The following ANO5 variants were observed in gnomAD, a reference collection of about 807,000 sequenced individuals.
The protein encoded by ANO5 is anoctamin-5.
ANO5 carries 109 observed loss-of-function variants against 121.0 expected under a neutral mutation model. The observed-to-expected ratio is 0.90, with a 90% CI of 0.77 to 1.06. The LOEUF is 1.06. Among genes scored for constraint, ANO5 ranks in the 50% least tolerant of loss-of-function variants. The pLI, the probability that ANO5 is intolerant of heterozygous loss-of-function variation, is 0.00. For missense variants in ANO5, 1,064 were observed against 1,078.5 expected, an observed-to-expected ratio of 0.99 and a Z score of 0.19; for synonymous variants, 406 against 359.9, an observed-to-expected ratio of 1.13 and a Z score of -1.45.
chr11:22,273,936 ATTTT>A (rs147703962), intron 19 of ANO5, among the ~76,000 whole-genome samples: 2 of 151,930 alleles, frequency 1.3e-5, no homozygotes, highest in African/African-American at 4.8e-5. Context: ...GTTACATTAG[ATTTT>A]TTTTAAAGCG....
At chr11:22,192,914 G>C, upstream of ANO5, 1 of 930,294 alleles carries the variant, frequency 1.1e-6, no homozygotes, top group Non-Finnish European at 1.3e-6. Flanking sequence ...ACCTGGGGAC[G>C]GCTTGAGCGG....
chr11:22,278,694 T>G (rs539158434), intron 21 of ANO5, among the ~76,000 whole-genome samples: 1 of 151,794 alleles, frequency 6.6e-6, no homozygotes, highest in South Asian at 2.1e-4. Flanking sequence ...AGTGAGCTGA[T>G]ATTTTCACTG....
chr11:22,218,802 A>G (rs973831260), intron 4 of ANO5, among the ~76,000 whole-genome samples: 4 of 151,978 alleles, frequency 2.6e-5, no homozygotes, highest in African/African-American at 9.7e-5. Flanking sequence ...AGCTCAAGCA[A>G]TCATCTCTCC....
upstream of ANO5, chr11:22,192,865 T>A (rs1161801537): frequency 1.7e-6 from 1 of 576,298 alleles, no homozygotes; most frequent in Non-Finnish European, 2.2e-6. Flanking sequence ...GACGGGAGGC[T>A]GCATGTCCGG....
intron 19 of ANO5, among the ~76,000 whole-genome samples, chr11:22,273,356 T>G (rs1854700729): frequency 1.3e-5 from 2 of 152,278 alleles, no homozygotes; most frequent in South Asian, 4.1e-4. Context: ...ATTATTAAAA[T>G]GTAAGAACAA....
Position 22,278,293 on chromosome 11 carries a change from C to T in ANO5, c.2521-1251C>T, listed in dbSNP as rs140136331. 4.2e-3 allele frequency among the ~76,000 whole-genome samples: 637 copies of T among 151,772 alleles called. 5 individuals are homozygous for T. The highest frequency in any genetic ancestry group is 6.8e-3 in the Non-Finnish European group (461 of 67,656). Reference sequence around the variant, plus strand: ...TCATTGAGCCCCTTAGATCTAAAAACGTACTTACCCTTCAAGTTGAGAAAA... The same window carrying T: ...TCATTGAGCCCCTTAGATCTAAAAATGTACTTACCCTTCAAGTTGAGAAAA... On this transcript the variant is annotated intron_variant, in intron 21 of 21. Coordinates refer to ENST00000324559, the MANE Select transcript of ANO5 (RefSeq NM_213599.3).
intron 21 of ANO5, 21 bp downstream of exon 21, chr11:22,276,220 A>G (rs1564954210): frequency 6.4e-7 from 1 of 1,559,504 alleles, no homozygotes; most frequent in Middle Eastern, 1.7e-4. Context: ...CTTAACTTTC[A>G]TTCGAGTTAC....
intron 5 of ANO5, among the ~76,000 whole-genome samples, chr11:22,224,976 T>A (rs1396406721): frequency 3.3e-5 from 5 of 151,710 alleles, no homozygotes; most frequent in Non-Finnish European, 7.4e-5. Context: ...ATAGAGTAGA[T>A]TGGTGGCTAC....
chr11:22,251,114 GT>G, intron 12 of ANO5, 103 bp downstream of exon 12: 2 of 1,188,730 alleles, frequency 1.7e-6, no homozygotes, highest in African/African-American at 1.5e-5. Flanking sequence ...ACCAAATGTG[GT>G]TTTAGATCAT....
At chr11:22,252,408 T>C (rs1428489745) in intron 12 of ANO5, among the ~76,000 whole-genome samples, 1 of 152,202 alleles carries the variant, frequency 6.6e-6, no homozygotes, top group African/African-American at 2.4e-5. Flanking sequence ...ACCTGCCTTA[T>C]ATTACATCAT....
chr11:22,252,296 C>T (rs924317753), intron 12 of ANO5, among the ~76,000 whole-genome samples: 59 of 152,060 alleles, frequency 3.9e-4, no homozygotes, highest in African/African-American at 1.4e-3. Context: ...CAAATCCTAC[C>T]TCTCATTACT....
In ANO5 at chr11:22,212,566, G is replaced by A. The variant is rs1438006399; in HGVS notation, c.138+1252G>A. 2.0e-5 allele frequency among the ~76,000 whole-genome samples: 3 copies of A among 151,924 alleles called. No individual in the cohort carries two copies. The East Asian group carries it at 5.8e-4, about 29-fold the overall frequency. On this transcript the variant is annotated intron_variant, in intron 3 of 21. Coordinates refer to ENST00000324559, the MANE Select transcript of ANO5 (RefSeq NM_213599.3). Reference sequence around the variant, plus strand: ...CCTTTTGTGTTTGTAACAAACCTGTGAAAGTGGCTGTTTCCCCACAACCCT... The same window carrying A: ...CCTTTTGTGTTTGTAACAAACCTGTAAAAGTGGCTGTTTCCCCACAACCCT...
chr11:22,262,003 G>A (rs1854202148), intron 15 of ANO5, 126 bp from the exon 16 acceptor site: 6 of 850,454 alleles, frequency 7.1e-6, no homozygotes, highest in African/African-American at 5.1e-5. Context: ...GCCTACTATC[G>A]CCAGAATGGG....
At chr11:22,236,590 A>G (rs1043970229) in intron 8 of ANO5, among the ~76,000 whole-genome samples, 1 of 152,224 alleles carries the variant, frequency 6.6e-6, no homozygotes, top group Non-Finnish European at 1.5e-5. Context: ...GGAAATTTCT[A>G]TCTGAGTCCT....
At position 22,262,830 on chromosome 11, in the gene ANO5, C is replaced by A. The variant is rs748987461; in HGVS notation, c.1801-116C>A. 1.0e-4 allele frequency: 83 copies of A among 821,270 alleles called. No homozygotes were observed. In the Admixed American group the frequency reaches 1.3e-3, roughly 13 times the overall value. The allele number at this position is 821,270 out of a possible 1,614,324, so 50.9% of individuals were successfully genotyped here. On this transcript the variant is annotated intron_variant, in intron 16 of 21. Coordinates refer to ENST00000324559, the MANE Select transcript of ANO5 (RefSeq NM_213599.3). Reference sequence around the variant, plus strand: ...AACTATTGGGCTAAATATATCTTAACCCTTCCAACCAAAACCTTTAGATTC... The same window carrying A: ...AACTATTGGGCTAAATATATCTTAAACCTTCCAACCAAAACCTTTAGATTC...
At chr11:22,277,493 CAG>C (rs778987297) in intron 21 of ANO5, among the ~76,000 whole-genome samples, 1 of 151,128 alleles carries the variant, frequency 6.6e-6, no homozygotes, top group African/African-American at 2.4e-5. Context: ...TTCTGTCCAT[CAG>C]AGTTTTGATT....
chr11:22,196,898 A>G (rs1851830445), intron 1 of ANO5, among the ~76,000 whole-genome samples: 1 of 152,154 alleles, frequency 6.6e-6, no homozygotes, highest in Non-Finnish European at 1.5e-5. Context: ...TAAAAATAAA[A>G]TAAACGACAC....
intron 18 of ANO5, 101 bp downstream of exon 18, chr11:22,270,543 A>G (rs1854571902): frequency 6.5e-7 from 1 of 1,546,418 alleles, no homozygotes; most frequent in Admixed American, 1.7e-5. Flanking sequence ...GGTGTTCAAT[A>G]AATCTTTGAC....
Position 22,257,906 on chromosome 11 carries a change from CTG to C in ANO5, c.1407+154_1407+155del, listed in dbSNP as rs1370062128. 2.0e-5 allele frequency: 14 copies of C among 690,512 alleles called. No individual in the cohort carries two copies. In the African/African-American group the frequency reaches 2.3e-4, roughly 12 times the overall value. 42.8% of individuals were successfully genotyped at this position (690,512 alleles called of 1,614,324 possible). A position where few individuals can be genotyped will look rare whatever the true frequency, so the allele number is the denominator to read the frequency against. Reference sequence around the variant, plus strand: ...GGTTATAGCTCTTATACAAAATAAACTGTAATTTATGTGGATTTTCCATACTT... The same window carrying C: ...GGTTATAGCTCTTATACAAAATAAACTAATTTATGTGGATTTTCCATACTT... On this transcript the variant is annotated intron_variant, in intron 14 of 21. Transcript: ENST00000324559.
Sources: gnomAD v4.1 joint callset for allele counts (sites outside exome capture counted in the v4.1 genomes callset) on GRCh38, gnomAD v4.1.1 for gene constraint, MANE v1.5 for transcripts, NCBI Gene and HGNC (gene_info 2026-07-23, HGNC 2026-07-21) for gene names.